Variants in HMMR observed in about 807,000 individuals in gnomAD.
HMMR encodes hyaluronan mediated motility receptor, also known as intracellular hyaluronic acid-binding protein.
A neutral mutation model predicts 101.0 loss-of-function variants in HMMR; 108 were observed. The observed-to-expected ratio is 1.07, with a 90% CI of 0.92 to 1.25. The LOEUF (loss-of-function observed/expected upper bound fraction) is 1.25, where lower values mean the gene tolerates loss of function less well. Ranked by LOEUF, HMMR falls within the 50% of genes most tolerant of loss-of-function variation. The pLI is 0.00. For missense variants in HMMR, 813 were observed against 788.7 expected, an observed-to-expected ratio of 1.03 and a Z score of -0.37; for synonymous variants, 296 against 276.4, an observed-to-expected ratio of 1.07 and a Z score of -0.70.
chr5:163,482,909 T>C, intron 13 of HMMR, 111 bp from the exon 14 acceptor site: 1 of 1,331,382 alleles, frequency 7.5e-7, no homozygotes, highest in Non-Finnish European at 1.0e-6. Flanking sequence ...ATTTACTCAG[T>C]TAAAAAATGA....
At chr5:163,473,994 C>A in intron 9 of HMMR, 63 bp from the exon 10 acceptor site, 1 of 1,322,040 alleles carries the variant, frequency 7.6e-7, no homozygotes, top group Non-Finnish European at 1.1e-6. Context: ...TATGGGAGTC[C>A]AGGTTTCTCA....
chr5:163,463,769 C>A, intron 1 of HMMR, 87 bp from the exon 2 acceptor site: 1 of 528,746 alleles, frequency 1.9e-6, no homozygotes, highest in Non-Finnish European at 3.1e-6. Flanking sequence ...GACATTTTTA[C>A]ATTTATATTC....
chr5:163,465,150 G>C (rs1277896859), intron 3 of HMMR: 2 of 203,632 alleles, frequency 9.8e-6, no homozygotes, highest in Admixed American at 5.8e-5. Flanking sequence ...TGTGGGGAAG[G>C]GTAAGTGTTT....
Position 163,463,893 on chromosome 5 carries a change from T to C in HMMR, c.84T>C (p.Thr28=), listed in dbSNP as rs932074130. Residue 28 remains threonine, a synonymous_variant, in exon 2 of 18, where the codon ACT becomes ACC. Transcript: ENST00000393915. ...APSPGAYDVK[T]LEVLKGPVSF... Reference sequence around the variant, plus strand: ...CTCCAGGTGCTTATGATGTTAAAACTTTAGAAGTATTGAAAGGACCAGTAT... The same window carrying C: ...CTCCAGGTGCTTATGATGTTAAAACCTTAGAAGTATTGAAAGGACCAGTAT... The C allele has an allele frequency of 6.7e-7, 1 of 1,497,778 alleles. No homozygotes were observed. The highest frequency in any genetic ancestry group is 2.4e-5 in the Admixed American group (1 of 41,454). 92.8% of individuals were successfully genotyped at this position (1,497,778 alleles called of 1,614,324 possible).
chr5:163,469,995 C>G, intron 5 of HMMR, 166 bp downstream of exon 5: 1 of 473,566 alleles, frequency 2.1e-6, no homozygotes, highest in Non-Finnish European at 3.7e-6. Context: ...TGGAGAAACC[C>G]TGTCTCTACT....
intron 10 of HMMR, among the ~76,000 whole-genome samples, chr5:163,475,014 G>A (rs966352816): frequency 2.0e-4 from 30 of 151,896 alleles, no homozygotes; most frequent in African/African-American, 6.8e-4. Context: ...AATTAGGGGG[G>A]GAAGTCGTCA....
intron 7 of HMMR, among the ~76,000 whole-genome samples, chr5:163,472,037 T>TATC (rs1447411817): frequency 2.7e-5 from 4 of 147,752 alleles, no homozygotes; most frequent in Non-Finnish European, 4.4e-5. Context: ...TTTTTTTATT[T>TATC]ATTATTATTA....
intron 12 of HMMR, among the ~76,000 whole-genome samples, chr5:163,481,725 G>A: frequency 6.6e-6 from 1 of 151,832 alleles, no homozygotes; most frequent in East Asian, 1.9e-4. Context: ...TTCCTACTCT[G>A]CTTCCAAAAG....
intron 16 of HMMR, 65 bp from the exon 17 acceptor site, chr5:163,490,325 G>T: frequency 9.1e-7 from 1 of 1,103,720 alleles, no homozygotes; most frequent in Non-Finnish European, 1.3e-6. Context: ...CCGCAACATT[G>T]GTAACACATT....
Position 163,484,218 on chromosome 5 carries a change from G to T in HMMR, c.1935G>T (p.Leu645Phe). 1 of 1,599,082 alleles carries T rather than the reference G, an allele frequency of 6.3e-7. No homozygotes were observed. Among genetic ancestry groups the T allele is most frequent in the Non-Finnish European group, 8.5e-7 (1 of 1,173,760 alleles). Residue 645 changes from leucine to phenylalanine, a missense_variant, in exon 16 of 18, where the codon TTG becomes TTT. Physicochemically the swap from Leu to Phe is conservative, Grantham distance 22 (BLOSUM62 0). Coordinates refer to ENST00000393915, the MANE Select transcript of HMMR (RefSeq NM_001142556.2). ...LKQKIKHVVK[L>F]KDENSQLKSE... Reference sequence around the variant, plus strand: ...AAAAAATCAAGCATGTTGTGAAGTTGAAAGATGAAAATAGCCAACTCAAAT... The same window carrying T: ...AAAAAATCAAGCATGTTGTGAAGTTTAAAGATGAAAATAGCCAACTCAAAT...
intron 10 of HMMR, among the ~76,000 whole-genome samples, 188 bp from the exon 11 acceptor site, chr5:163,475,270 G>A (rs903975369): frequency 6.6e-6 from 1 of 151,944 alleles, no homozygotes; most frequent in South Asian, 2.1e-4. Flanking sequence ...GATGATATTT[G>A]CCACAATGTT....
intron 1 of HMMR, among the ~76,000 whole-genome samples, chr5:163,461,244 G>A (rs1001818062): frequency 2.6e-5 from 4 of 152,250 alleles, no homozygotes; most frequent in African/African-American, 9.6e-5. Context: ...GGCTGATATT[G>A]ACCACTTATA....
rs894185329 is a variant in HMMR at position 163,464,469 on chromosome 5, A to G, written c.146-254A>G. The stretch of plus-strand genomic sequence containing the variant: ...CATCTCTACTAAAAATACAGAAATT[A>G]GCCAGGTGTGGTGGGGTGCGCCTGT... On this transcript the variant is annotated intron_variant, in intron 2 of 17. Transcript: ENST00000393915. Among the ~76,000 whole-genome samples, 3 of 152,126 alleles carry G rather than the reference A, an allele frequency of 2.0e-5. No homozygotes were observed. The South Asian group carries it at 6.2e-4, about 32-fold the overall frequency.
chr5:163,469,874 C>A, intron 5 of HMMR, 45 bp downstream of exon 5: 1 of 1,408,788 alleles, frequency 7.1e-7, no homozygotes, highest in Non-Finnish European at 9.8e-7. Context: ...TAAATATAAA[C>A]ACGTTTTTTA....
intron 3 of HMMR, 154 bp downstream of exon 3, chr5:163,464,956 G>A (rs1714231324): frequency 1.7e-6 from 1 of 591,158 alleles, no homozygotes; most frequent in Non-Finnish European, 3.0e-6. Context: ...ACTCTAGCAA[G>A]TTTTACATTT....
intron 10 of HMMR, 72 bp from the exon 11 acceptor site, chr5:163,475,386 T>C (rs1000727247): frequency 1.4e-6 from 1 of 726,034 alleles, no homozygotes; most frequent in Non-Finnish European, 2.2e-6. Flanking sequence ...TTATCTGTAC[T>C]TTTTTTTGTC....
intron 17 of HMMR, 39 bp downstream of exon 17, chr5:163,490,591 T>C (rs1045978523): frequency 6.8e-7 from 1 of 1,468,792 alleles, no homozygotes; most frequent in Non-Finnish European, 9.3e-7. Flanking sequence ...TCCTCTTCCT[T>C]TGGATTTGCT....
intron 1 of HMMR, among the ~76,000 whole-genome samples, chr5:163,461,453 CA>C: frequency 6.6e-6 from 1 of 152,282 alleles, no homozygotes; most frequent in African/African-American, 2.4e-5. Flanking sequence ...ATGCACAGCA[CA>C]GTAACCAGGA....
chr5:163,481,146 GTTTAA>G (rs1365278344), intron 12 of HMMR, among the ~76,000 whole-genome samples: 2 of 151,916 alleles, frequency 1.3e-5, no homozygotes, highest in African/African-American at 4.8e-5. Flanking sequence ...CAACTGCCTA[GTTTAA>G]TTTAATTCAT....
Sources: allele counts gnomAD v4.1 joint callset (sites outside exome capture counted in the v4.1 genomes callset), GRCh38; gene constraint gnomAD v4.1.1; transcripts MANE v1.5; gene names NCBI Gene and HGNC (gene_info 2026-07-23, HGNC 2026-07-21).